LDB2: variants seen among roughly 807,000 people sequenced by gnomAD.
The protein encoded by LDB2 is LIM domain binding 2.
LDB2 carries 12 observed loss-of-function variants against 44.3 expected under a neutral mutation model. That is an observed-to-expected ratio of 0.27 (90% CI 0.17 to 0.44). The LOEUF (loss-of-function observed/expected upper bound fraction) is 0.44, where lower values mean the gene tolerates loss of function less well. Among genes scored for constraint, LDB2 ranks in the 20% least tolerant of loss-of-function variants. The pLI is 1.00. For missense variants in LDB2, 344 were observed against 473.5 expected, an observed-to-expected ratio of 0.73 and a Z score of 2.54; for synonymous variants, 164 against 174.8, an observed-to-expected ratio of 0.94 and a Z score of 0.49.
At chr4:16,755,520 TGTGTATGTGAGA>T (rs1432231845) in intron 2 of LDB2, among the ~76,000 whole-genome samples, 1 of 53,290 alleles carries the variant, frequency 1.9e-5, no homozygotes, top group Non-Finnish European at 4.8e-5. Context: ...TGTGTGTGTG[TGTGTATGTGAGA>T]GAGAGAGAGA....
At chr4:16,775,047 A>G (rs1771597613) in intron 1 of LDB2, among the ~76,000 whole-genome samples, 1 of 152,246 alleles carries the variant, frequency 6.6e-6, no homozygotes, top group African/African-American at 2.4e-5. Context: ...AAAAGGCCAT[A>G]TATTGGGTGA....
intron 2 of LDB2, chr4:16,750,813 A>G (rs946969303): frequency 7.2e-5 from 11 of 152,212 alleles, no homozygotes; most frequent in African/African-American, 2.4e-4. Context: ...CCTAACTTCA[A>G]AAAGATAATA....
intron 5 of LDB2, among the ~76,000 whole-genome samples, chr4:16,540,139 A>G (rs1307045175): frequency 6.6e-6 from 1 of 152,120 alleles, no homozygotes; most frequent in Non-Finnish European, 1.5e-5. Context: ...TGCCAGGAGA[A>G]CAGCAAGGGG....
intron 1 of LDB2, among the ~76,000 whole-genome samples, chr4:16,883,963 T>C (rs1000031377): frequency 2.6e-5 from 4 of 152,102 alleles, no homozygotes; most frequent in Admixed American, 6.5e-5. Flanking sequence ...AGGCTAAAAA[T>C]AGCTCAGTCA....
chr4:16,769,000 A>G (rs1770002904), intron 1 of LDB2, among the ~76,000 whole-genome samples: 1 of 152,212 alleles, frequency 6.6e-6, no homozygotes, highest in Non-Finnish European at 1.5e-5. Flanking sequence ...TGACTGCTCC[A>G]TTATGATGTT....
intron 1 of LDB2, among the ~76,000 whole-genome samples, chr4:16,810,079 T>G (rs1561303837): frequency 6.6e-6 from 1 of 152,178 alleles, no homozygotes; most frequent in Non-Finnish European, 1.5e-5. Context: ...GTTCTCAGCC[T>G]AATGTTCATG....
At chr4:16,875,929 GGCATTATAGGAAGTAGGAAT>G (rs1293824946) in intron 1 of LDB2, among the ~76,000 whole-genome samples, 17 of 152,288 alleles carry the variant, frequency 1.1e-4, no homozygotes, top group Admixed American at 3.9e-4. Context: ...CTGGATAGCA[GGCATTATAGGAAGTAGGAAT>G]GCATTATAGG....
chr4:16,653,875 G>A (rs915580104), intron 2 of LDB2: 2 of 152,166 alleles, frequency 1.3e-5, no homozygotes, highest in Non-Finnish European at 2.9e-5. Flanking sequence ...GAGGAGCCCA[G>A]ATGTGATTAT....
chr4:16,670,268 C>T (rs1210432092), intron 2 of LDB2, among the ~76,000 whole-genome samples: 1 of 152,240 alleles, frequency 6.6e-6, no homozygotes, highest in Admixed American at 6.5e-5. Flanking sequence ...CTAAGTAGGT[C>T]GCTTAGATAT....
intron 5 of LDB2, among the ~76,000 whole-genome samples, chr4:16,553,623 T>C (rs1432749552): frequency 2.0e-5 from 3 of 152,218 alleles, no homozygotes; most frequent in African/African-American, 7.2e-5. Flanking sequence ...ATTGGTACTC[T>C]TGAACCTGAC....
intron 1 of LDB2, among the ~76,000 whole-genome samples, chr4:16,792,290 A>G (rs1043965647): frequency 6.6e-6 from 1 of 152,198 alleles, no homozygotes; most frequent in African/African-American, 2.4e-5. Flanking sequence ...GAATACTTAT[A>G]TTCTTACTGT....
At chr4:16,780,702 T>C (rs1263957674) in intron 1 of LDB2, among the ~76,000 whole-genome samples, 2 of 151,610 alleles carry the variant, frequency 1.3e-5, no homozygotes, top group African/African-American at 2.4e-5. Flanking sequence ...ATTCGCTCTG[T>C]GTTGGGTATT....
At chr4:16,592,607 C>T (rs958609140) in intron 3 of LDB2, among the ~76,000 whole-genome samples, 1 of 150,940 alleles carries the variant, frequency 6.6e-6, no homozygotes. Flanking sequence ...ATGTAGTATA[C>T]AGGCTAAGGT....
At chr4:16,816,989 G>A (rs193057183) in intron 1 of LDB2, among the ~76,000 whole-genome samples, 51 of 152,126 alleles carry the variant, frequency 3.4e-4, no homozygotes, top group African/African-American at 1.1e-3. Context: ...CCCCCACCCT[G>A]TATTATTTTT....
chr4:16,766,499 T>C (rs1222059408), intron 1 of LDB2, among the ~76,000 whole-genome samples: 5 of 100,654 alleles, frequency 5.0e-5, no homozygotes, highest in African/African-American at 1.5e-4. Context: ...TGTGTGTGTG[T>C]GTGTGTATAT....
intron 1 of LDB2, among the ~76,000 whole-genome samples, chr4:16,882,694 T>C (rs1367894451): frequency 6.6e-6 from 1 of 152,224 alleles, no homozygotes; most frequent in Non-Finnish European, 1.5e-5. Context: ...TATATTTTAA[T>C]GTTTATTTGT....
At chr4:16,809,458 T>A (rs1779378403) in intron 1 of LDB2, among the ~76,000 whole-genome samples, 1 of 151,790 alleles carries the variant, frequency 6.6e-6, no homozygotes, top group Admixed American at 6.6e-5. Flanking sequence ...TAGAGAAGAG[T>A]TAAAGACTGG....
At chr4:16,697,126 C>A (rs1752299092) in intron 2 of LDB2, among the ~76,000 whole-genome samples, 3 of 152,054 alleles carry the variant, frequency 2.0e-5, no homozygotes, top group Non-Finnish European at 4.4e-5. Context: ...ACAAGTTCTT[C>A]AAAAATCCTG....
rs1226467290 is a variant in LDB2, at chr4:16,565,341, AT to A, written c.615+20580del. Among the ~76,000 whole-genome samples the A allele has an allele frequency of 8.5e-5, 13 of 152,330 alleles. No homozygotes were observed. In the East Asian group the frequency reaches 2.5e-3, roughly 29 times the overall value. On this transcript the variant is annotated intron_variant, in intron 5 of 7. Coordinates refer to ENST00000304523, the MANE Select transcript of LDB2 (RefSeq NM_001290.5). Reference sequence around the variant, plus strand: ...CATCAGTTGCACTGAATAAGCATCAATTATTCTTATTAATATATTTACTCAT... The same window carrying A: ...CATCAGTTGCACTGAATAAGCATCAATATTCTTATTAATATATTTACTCAT...
Sources: gnomAD v4.1 joint callset for allele counts (sites outside exome capture counted in the v4.1 genomes callset) on GRCh38, gnomAD v4.1.1 for gene constraint, MANE v1.5 for transcripts, NCBI Gene and HGNC (gene_info 2026-07-23, HGNC 2026-07-21) for gene names.